Variants in CEP192 observed in about 807,000 individuals in gnomAD.
CEP192 encodes the protein centrosomal protein 192.
In CEP192, 151 loss-of-function variants were observed where a neutral mutation model predicts 271.8. The observed-to-expected ratio is 0.56, with a 90% CI of 0.49 to 0.64. The LOEUF is 0.64. CEP192 is among the 30% of genes least tolerant of loss of function. The probability of loss-of-function intolerance (pLI) is 0.00; values close to 1 mark genes in which losing one functional copy is unlikely to be tolerated. For missense variants in CEP192, 2,910 were observed against 3,020.5 expected, an observed-to-expected ratio of 0.96 and a Z score of 0.86; for synonymous variants, 995 against 1,076.5, an observed-to-expected ratio of 0.92 and a Z score of 1.48.
chr18:12,995,795 G>T (rs1357805360), intron 1 of CEP192, among the ~76,000 whole-genome samples: 1 of 152,244 alleles, frequency 6.6e-6, no homozygotes, highest in Non-Finnish European at 1.5e-5. Context: ...ACAAAGAACT[G>T]AAAGAAGTGA....
intron 21 of CEP192, among the ~76,000 whole-genome samples, chr18:13,066,913 A>G (rs2037730690): frequency 6.7e-6 from 1 of 150,166 alleles, no homozygotes; most frequent in Non-Finnish European, 1.5e-5. Context: ...TCTGCCTTTG[A>G]TCTCTACTTA....
rs771062368 is a variant in CEP192 at position 13,008,522 on chromosome 18, A to C, written c.357A>C (p.Ser119=). The C allele has an allele frequency of 1.0e-5, 16 of 1,551,480 alleles. No homozygotes were observed. The highest frequency in any genetic ancestry group is 3.3e-4 in the Middle Eastern group (2 of 6,014). The change falls in exon 4 of 45, where the codon TCA becomes TCC. Residue 119 remains serine, a synonymous_variant. Coordinates refer to ENST00000506447, the MANE Select transcript of CEP192 (RefSeq NM_032142.4). The part of the protein sequence containing the change: ...QRLSNALSKQ[S]ALQMETAGPE... The stretch of plus-strand genomic sequence containing the variant: ...TGTCAAATGCTCTCAGCAAACAGTC[A>C]GCTTTACAAATGGAGACAGCAGGAC...
intron 1 of CEP192, among the ~76,000 whole-genome samples, chr18:12,992,985 A>T (rs2032969646): frequency 6.6e-6 from 1 of 152,244 alleles, no homozygotes; most frequent in Admixed American, 6.5e-5. Flanking sequence ...TTAATAGTTT[A>T]CATGTCTGTA....
chr18:13,050,611 G>A (rs57292913), intron 17 of CEP192, among the ~76,000 whole-genome samples: 20,310 of 148,520 alleles, frequency 0.14, 1,513 homozygotes, highest in East Asian at 0.31. Context: ...ACAGAGTCTC[G>A]CTCTGTGGGC....
Position 13,055,990 on chromosome 18 carries a change from T to A in CEP192, c.3400T>A (p.Phe1134Ile). Reference sequence around the variant, plus strand: ...CAAGCCTGAATATGTAAAACCTGACTTTAGATGGAGTAAAGATCCTTCCTC... The same window carrying A: ...CAAGCCTGAATATGTAAAACCTGACATTAGATGGAGTAAAGATCCTTCCTC... ...SSKPEYVKPDFRWSKDPSSKS... is the reference protein window; with the variant it reads ...SSKPEYVKPDIRWSKDPSSKS... The change falls in exon 19 of 45, where the codon TTT becomes ATT. Residue 1134 changes from phenylalanine to isoleucine, a missense_variant. Coordinates refer to ENST00000506447, the MANE Select transcript of CEP192 (RefSeq NM_032142.4). The A allele has an allele frequency of 5.0e-6, 8 of 1,614,184 alleles. No individual in the cohort carries two copies. Among genetic ancestry groups the A allele is most frequent in the Non-Finnish European group, 6.8e-6 (8 of 1,180,024 alleles).
intron 11 of CEP192, among the ~76,000 whole-genome samples, chr18:13,033,006 A>C (rs930983641): frequency 1.6e-4 from 25 of 152,212 alleles, no homozygotes; most frequent in Non-Finnish European, 1.8e-4. Flanking sequence ...CTACATGTGG[A>C]TGGGCAGGTA....
At chr18:13,038,336 G>T (rs1319872818) in intron 12 of CEP192, 34 bp from the exon 13 acceptor site, 2 of 1,488,668 alleles carry the variant, frequency 1.3e-6, no homozygotes, top group Admixed American at 3.9e-5. Context: ...TGACTTGCTG[G>T]GGGAAAGAAA....
At chr18:13,088,109 T>C (rs954840962) in intron 32 of CEP192, among the ~76,000 whole-genome samples, 1 of 152,226 alleles carries the variant, frequency 6.6e-6, no homozygotes, top group Non-Finnish European at 1.5e-5. Flanking sequence ...GTGTAAGATG[T>C]TTAACTTGTA....
At chr18:13,001,681 TTAATTC>T in intron 3 of CEP192, 99 bp downstream of exon 3, 18 of 1,193,976 alleles carry the variant, frequency 1.5e-5, no homozygotes, top group Non-Finnish European at 2.0e-5. Flanking sequence ...TTAATTCTGA[TTAATTC>T]TAAGAATCTT....
intron 32 of CEP192, among the ~76,000 whole-genome samples, chr18:13,088,289 G>T (rs931415961): frequency 6.6e-6 from 1 of 151,942 alleles, no homozygotes; most frequent in African/African-American, 2.4e-5. Context: ...CTCTAGAAAA[G>T]AAATAGAAAA....
intron 1 of CEP192, among the ~76,000 whole-genome samples, chr18:12,992,150 A>G (rs1406691338): frequency 2.0e-5 from 3 of 152,144 alleles, no homozygotes; most frequent in Non-Finnish European, 4.4e-5. Flanking sequence ...AGCTGTTTAT[A>G]TGACCATATT....
intron 30 of CEP192, among the ~76,000 whole-genome samples, chr18:13,082,114 A>G (rs2038642620): frequency 6.6e-6 from 1 of 152,158 alleles, no homozygotes; most frequent in Non-Finnish European, 1.5e-5. Flanking sequence ...GTAGATGTCT[A>G]TTAGGTCCTC....
chr18:13,010,495 A>T (rs1011974542), intron 4 of CEP192, among the ~76,000 whole-genome samples: 16 of 152,240 alleles, frequency 1.1e-4, no homozygotes, highest in African/African-American at 3.9e-4. Context: ...AGAAAAAAAT[A>T]GATGAATTGG....
At chr18:13,110,505 G>C (rs145167079) in intron 40 of CEP192, among the ~76,000 whole-genome samples, 1 of 152,096 alleles carries the variant, frequency 6.6e-6, no homozygotes, top group East Asian at 1.9e-4. Flanking sequence ...TAGTGCCTGG[G>C]AGAACTGGAT....
intron 32 of CEP192, among the ~76,000 whole-genome samples, chr18:13,088,325 C>G (rs1042828322): frequency 3.3e-5 from 5 of 151,958 alleles, no homozygotes; most frequent in Non-Finnish European, 7.4e-5. Flanking sequence ...TGGTGTGCAC[C>G]TGTAGTCCTC....
chr18:13,117,697 C>T (rs2040496608), intron 44 of CEP192, 54 bp downstream of exon 44: 1 of 1,406,310 alleles, frequency 7.1e-7, no homozygotes, highest in Non-Finnish European at 1.0e-6. Context: ...ACTTTCGTCT[C>T]TTGGGAGTTG....
At chr18:13,124,024 G>A (rs1423860167) in intron 44 of CEP192, among the ~76,000 whole-genome samples, 2 of 152,128 alleles carry the variant, frequency 1.3e-5, no homozygotes, top group Non-Finnish European at 2.9e-5. Context: ...GCTGGGTGCG[G>A]TGATGGGCGC....
At chr18:13,034,709 A>T (rs911526348) in intron 11 of CEP192, among the ~76,000 whole-genome samples, 6 of 150,814 alleles carry the variant, frequency 4.0e-5, no homozygotes, top group African/African-American at 1.5e-4. Context: ...CCAGCTACTC[A>T]GGAGGGGGCT....
intron 28 of CEP192, among the ~76,000 whole-genome samples, chr18:13,071,581 T>C (rs2038016567): frequency 6.6e-6 from 1 of 152,176 alleles, no homozygotes; most frequent in Non-Finnish European, 1.5e-5. Context: ...AACAACCACA[T>C]AGTTTTAGCA....
Sources: allele counts gnomAD v4.1 joint callset (sites outside exome capture counted in the v4.1 genomes callset), GRCh38; gene constraint gnomAD v4.1.1; transcripts MANE v1.5; gene names NCBI Gene and HGNC (gene_info 2026-07-23, HGNC 2026-07-21).